GABBR2: variants seen among roughly 807,000 people sequenced by gnomAD.
The protein encoded by GABBR2 is G-protein coupled receptor 51.
In GABBR2, 23 loss-of-function variants were observed where a neutral mutation model predicts 105.6. The ratio of observed to expected loss-of-function variants is 0.22; its 90% CI spans 0.16 to 0.31. The LOEUF is 0.31. Ranked by LOEUF, GABBR2 falls within the 10% of genes least tolerant of loss-of-function variation. GABBR2 has a pLI of 1.00. For synonymous variants in GABBR2, 478 were observed against 499.7 expected (o/e 0.96, Z 0.58); for missense variants, 734 against 1,245.5 (o/e 0.59, Z 6.18).
intron 7 of GABBR2, among the ~76,000 whole-genome samples, chr9:98,452,462 G>C (rs866850255): frequency 1.2e-4 from 18 of 152,324 alleles, no homozygotes; most frequent in Admixed American, 3.3e-4. Context: ...ACTTGACCCT[G>C]ATTAGCTATA....
intron 1 of GABBR2, among the ~76,000 whole-genome samples, chr9:98,608,553 C>G (rs185046110): frequency 3.3e-4 from 50 of 152,216 alleles, no homozygotes; most frequent in Non-Finnish European, 6.5e-4. Flanking sequence ...AATTATAATA[C>G]AAAGGTTCCA....
intron 1 of GABBR2, among the ~76,000 whole-genome samples, chr9:98,696,236 C>T (rs1334983405): frequency 2.6e-5 from 4 of 152,212 alleles, no homozygotes; most frequent in African/African-American, 9.7e-5. Context: ...TTCCAGGCCA[C>T]AGTAACAGCT....
intron 7 of GABBR2, among the ~76,000 whole-genome samples, chr9:98,449,480 T>C (rs764964786): frequency 6.6e-6 from 1 of 152,168 alleles, no homozygotes; most frequent in Admixed American, 6.5e-5. Flanking sequence ...AATTCTCAGG[T>C]TGCTATTTAA....
chr9:98,458,568 G>A (rs1199284631), intron 6 of GABBR2, among the ~76,000 whole-genome samples: 1 of 152,176 alleles, frequency 6.6e-6, no homozygotes, highest in Non-Finnish European at 1.5e-5. Context: ...AGCTGCGCGT[G>A]GTGGCAGGTG....
In GABBR2 at chr9:98,356,151, C is replaced by A. The variant is rs79627721; in HGVS notation, c.1893+6564G>T. Among the ~76,000 whole-genome samples, 221 of 152,162 alleles carry A rather than the reference C, an allele frequency of 1.5e-3. 5 individuals are homozygous for A. In the East Asian group the frequency reaches 0.037, roughly 26 times the overall value. ...GTGTTTGGCAATGAGTGTTTTGATA[C>A]ATCAAAAGTATGATCCATGAAAGAA... On this transcript the variant is annotated intron_variant, in intron 13 of 18. Transcript: ENST00000259455.
At chr9:98,467,665 A>T (rs1826588666) in intron 6 of GABBR2, among the ~76,000 whole-genome samples, 1 of 152,170 alleles carries the variant, frequency 6.6e-6, no homozygotes, top group African/African-American at 2.4e-5. Flanking sequence ...GGATCACTAG[A>T]TTTGCTGGGT....
chr9:98,336,372 G>C (rs1005835768), intron 13 of GABBR2, among the ~76,000 whole-genome samples: 4 of 152,190 alleles, frequency 2.6e-5, no homozygotes, highest in Admixed American at 2.6e-4. Context: ...TTAAATTGGA[G>C]AATTTTAAGT....
chr9:98,539,913 TAAAAAAA>T (rs746934812), intron 3 of GABBR2, among the ~76,000 whole-genome samples: 5 of 103,726 alleles, frequency 4.8e-5, no homozygotes, highest in Admixed American at 1.0e-4. Flanking sequence ...AGACTTCGTC[TAAAAAAA>T]AAAAAAAAAA....
At chr9:98,418,753 A>G (rs1425886625) in intron 7 of GABBR2, among the ~76,000 whole-genome samples, 1 of 152,200 alleles carries the variant, frequency 6.6e-6, no homozygotes, top group African/African-American at 2.4e-5. Flanking sequence ...GAGTTGGCAG[A>G]GGAGAACTGA....
intron 13 of GABBR2, among the ~76,000 whole-genome samples, chr9:98,342,707 G>A (rs1158523417): frequency 1.3e-5 from 2 of 152,220 alleles, no homozygotes. Context: ...CAGGGCTGAT[G>A]GCTCCAGCAG....
chr9:98,591,658 G>A (rs1223994126), intron 1 of GABBR2, among the ~76,000 whole-genome samples: 2 of 152,214 alleles, frequency 1.3e-5, no homozygotes, highest in African/African-American at 4.8e-5. Flanking sequence ...TTAGCTAAAG[G>A]CCTGTGAGGC....
chr9:98,387,959 G>A (rs889250965), intron 10 of GABBR2, among the ~76,000 whole-genome samples: 1 of 152,154 alleles, frequency 6.6e-6, no homozygotes, highest in Non-Finnish European at 1.5e-5. Context: ...CATGCAATGT[G>A]GCTTCTGGGC....
chr9:98,517,643 A>C (rs1827783640), intron 3 of GABBR2, among the ~76,000 whole-genome samples: 1 of 152,224 alleles, frequency 6.6e-6, no homozygotes, highest in Admixed American at 6.5e-5. Flanking sequence ...CAACTAGTAT[A>C]ATATCTCATC....
chr9:98,543,760 G>T (rs1828351083), intron 2 of GABBR2, among the ~76,000 whole-genome samples: 1 of 152,144 alleles, frequency 6.6e-6, no homozygotes. Context: ...TCAGTTTATA[G>T]AAATGATCTT....
At chr9:98,533,559 C>T (rs758434789) in intron 3 of GABBR2, among the ~76,000 whole-genome samples, 28 of 152,314 alleles carry the variant, frequency 1.8e-4, no homozygotes, top group Non-Finnish European at 3.4e-4. Context: ...ACTGAACATA[C>T]CTGCACCAGG....
At chr9:98,483,783 C>T (rs1826982606) in intron 4 of GABBR2, among the ~76,000 whole-genome samples, 1 of 152,182 alleles carries the variant, frequency 6.6e-6, no homozygotes, top group African/African-American at 2.4e-5. Flanking sequence ...CATCTCTCTG[C>T]CCCATCAGGC....
chr9:98,535,602 A>G (rs375114198), intron 3 of GABBR2, among the ~76,000 whole-genome samples: 1 of 152,158 alleles, frequency 6.6e-6, no homozygotes, highest in Non-Finnish European at 1.5e-5. Flanking sequence ...ACCATTTTAT[A>G]TCAGTGACTT....
chr9:98,656,890 G>A (rs372127188), intron 1 of GABBR2, among the ~76,000 whole-genome samples: 2 of 152,324 alleles, frequency 1.3e-5, no homozygotes, highest in Admixed American at 6.5e-5. Flanking sequence ...TTATTAACAG[G>A]CAGCTGGGTA....
chr9:98,389,642 T>A (rs1029166259), intron 9 of GABBR2, among the ~76,000 whole-genome samples: 1 of 152,208 alleles, frequency 6.6e-6, no homozygotes, highest in African/African-American at 2.4e-5. Context: ...TGGGATTCCA[T>A]TTCTCTATGT....
Sources: allele counts gnomAD v4.1 joint callset (sites outside exome capture counted in the v4.1 genomes callset), GRCh38; gene constraint gnomAD v4.1.1; transcripts MANE v1.5; gene names NCBI Gene and HGNC (gene_info 2026-07-23, HGNC 2026-07-21).